The following ZEB2 variants were observed in gnomAD, a reference collection of about 807,000 sequenced individuals.
ZEB2 encodes zinc finger E-box-binding homeobox 2.
A neutral mutation model predicts 99.9 loss-of-function variants in ZEB2; 6 were observed. That is an observed-to-expected ratio of 0.06 (90% CI 0.03 to 0.12). ZEB2 has a LOEUF of 0.12. Ranked by LOEUF, ZEB2 falls within the 10% of genes least tolerant of loss-of-function variation. The pLI, the probability that ZEB2 is intolerant of heterozygous loss-of-function variation, is 1.00. For synonymous variants in ZEB2, 517 were observed against 542.5 expected (o/e 0.95, Z 0.65); for missense variants, 969 against 1,502.8 (o/e 0.64, Z 5.87).
At chr2:144,417,823 G>A (rs962837331) in intron 4 of ZEB2, among the ~76,000 whole-genome samples, 1 of 152,076 alleles carries the variant, frequency 6.6e-6, no homozygotes, top group African/African-American at 2.4e-5. Flanking sequence ...GCTAGAACGG[G>A]GGTTCTCGAA....
Position 144,468,080 on chromosome 2 carries a change from G to T in ZEB2, c.74-38054C>A, listed in dbSNP as rs547871451. Among the ~76,000 whole-genome samples, 23 of 152,154 alleles carry T rather than the reference G, an allele frequency of 1.5e-4. No individual in the cohort carries two copies. The South Asian group carries it at 4.8e-3, about 32-fold the overall frequency. ...GGAGTAGTTTGGAAGATCTGGGTTG[G>T]GGGGATCTGGCAAATGGAAAAAGAG... On this transcript the variant is annotated intron_variant, in intron 2 of 9. Coordinates refer to ENST00000627532, the MANE Select transcript of ZEB2 (RefSeq NM_014795.4).
chr2:144,405,052 T>C, intron 4 of ZEB2, 28 bp from the exon 5 acceptor site: 1 of 1,607,912 alleles, frequency 6.2e-7, no homozygotes, highest in Non-Finnish European at 8.5e-7. Context: ...GAAGAAATGT[T>C]GTTTCCGGGC....
chr2:144,497,938 A>T (rs1301361310), intron 2 of ZEB2, among the ~76,000 whole-genome samples: 3 of 62,052 alleles, frequency 4.8e-5, no homozygotes, highest in Admixed American at 2.8e-4. Flanking sequence ...ATATATATTA[A>T]TATTATATAT....
rs576094866 is a variant in ZEB2, at chr2:144,413,518, C to G, written c.404-8494G>C. On this transcript the variant is annotated intron_variant, in intron 4 of 9. Transcript: ENST00000627532. ...TGCCAAGCACTACTTCTATTTTTCT[C>G]TCCTCCAAACCTATCTCTTTCTCCA... is the stretch of plus-strand genomic sequence containing the variant. Among the ~76,000 whole-genome samples the G allele has an allele frequency of 2.0e-5, 3 of 152,312 alleles. No individual in the cohort carries two copies. In the East Asian group the frequency reaches 5.8e-4, roughly 29 times the overall value.
At chr2:144,424,306 T>A (rs1383548540) in intron 4 of ZEB2, 1 of 507,634 alleles carries the variant, frequency 2.0e-6, no homozygotes, top group Admixed American at 2.0e-5. Context: ...GAATTACAAG[T>A]AAAGAAAGGA....
intron 2 of ZEB2, among the ~76,000 whole-genome samples, chr2:144,448,287 G>C (rs944212154): frequency 6.6e-6 from 1 of 152,102 alleles, no homozygotes. Context: ...AGGAGTTTGG[G>C]GGCACCTGCT....
chr2:144,412,606 C>A (rs992872683), intron 4 of ZEB2, among the ~76,000 whole-genome samples: 2 of 152,190 alleles, frequency 1.3e-5, no homozygotes, highest in Non-Finnish European at 2.9e-5. Context: ...AAGTCTTTCA[C>A]GAAATTCTGA....
intron 2 of ZEB2, among the ~76,000 whole-genome samples, chr2:144,459,423 T>C (rs996723160): frequency 6.6e-6 from 1 of 152,182 alleles, no homozygotes; most frequent in South Asian, 2.1e-4. Context: ...CCTCTTAGCC[T>C]GAAGTCAGAT....
At chr2:144,444,157 T>C (rs1253339036) in intron 2 of ZEB2, among the ~76,000 whole-genome samples, 2 of 152,240 alleles carry the variant, frequency 1.3e-5, no homozygotes, top group Non-Finnish European at 2.9e-5. Flanking sequence ...TCTGATCTGA[T>C]AGTCGTAGAA....
chr2:144,512,737 G>T, intron 2 of ZEB2: 4 of 1,287,170 alleles, frequency 3.1e-6, no homozygotes, highest in Non-Finnish European at 4.0e-6. Flanking sequence ...AATTGGCTTA[G>T]TTTTTCCAGA....
In ZEB2 at chr2:144,398,797, T is replaced by C. The variant is rs201227541; in HGVS notation, c.2390A>G (p.His797Arg). The change falls in exon 8 of 10, where the codon CAC (histidine) becomes CGC (arginine). Residue 797 changes from histidine to arginine, a missense_variant. Around this residue, in one of 8 missense-constraint regions of ZEB2, gnomAD observed 346 missense variants for 460.0 expected, o/e 0.75. Coordinates refer to ENST00000627532, the MANE Select transcript of ZEB2 (RefSeq NM_014795.4). ...NLSSTSSKNSHSSSYTPNSFS... is the reference protein window; with the variant it reads ...NLSSTSSKNSRSSSYTPNSFS... ...GCTGTTTGGAGTGTATGAACTACTG[T>C]GGGAGTTTTTAGAAGATGTGGAGGA... The C allele has an allele frequency of 5.6e-6, 9 of 1,613,930 alleles. No homozygotes were observed. Among genetic ancestry groups the C allele is most frequent in the Non-Finnish European group, 7.6e-6 (9 of 1,180,022 alleles).
chr2:144,460,645 T>C (rs1166319625), intron 2 of ZEB2, among the ~76,000 whole-genome samples: 2 of 152,148 alleles, frequency 1.3e-5, no homozygotes, highest in African/African-American at 2.4e-5. Flanking sequence ...AAAAGAAACC[T>C]TTCTCCATAA....
intron 9 of ZEB2, chr2:144,390,419 C>T: frequency 3.1e-6 from 1 of 322,660 alleles, no homozygotes; most frequent in Non-Finnish European, 6.0e-6. Context: ...AAGACTTGTA[C>T]AAAAGTGATA....
At chr2:144,489,419 G>A (rs1224394920) in intron 2 of ZEB2, among the ~76,000 whole-genome samples, 8 of 151,992 alleles carry the variant, frequency 5.3e-5, no homozygotes, top group Non-Finnish European at 1.2e-4. Context: ...CTCCTATCAT[G>A]AATCAGGCAA....
intron 2 of ZEB2, among the ~76,000 whole-genome samples, chr2:144,440,532 T>A (rs867737581): frequency 0.012 from 1,168 of 93,994 alleles, 24 homozygotes; most frequent in African/African-American, 0.052. Flanking sequence ...TTTTTTTTTT[T>A]TTTTTTTTTT....
intron 2 of ZEB2, chr2:144,512,120 A>G (rs1367177465): frequency 1.6e-6 from 2 of 1,287,146 alleles, no homozygotes; most frequent in East Asian, 1.1e-4. Context: ...CATTGACGTT[A>G]TAAACATGTA....
At chr2:144,481,956 T>C (rs2149914489) in intron 2 of ZEB2, among the ~76,000 whole-genome samples, 2 of 152,328 alleles carry the variant, frequency 1.3e-5, no homozygotes, top group Admixed American at 1.3e-4. Context: ...ATAATAGTGT[T>C]ATAGAAAAAT....
At chr2:144,401,343 A>G (rs1229816704) in intron 6 of ZEB2, 36 bp from the exon 7 acceptor site, 1 of 1,603,594 alleles carries the variant, frequency 6.2e-7, no homozygotes, top group African/African-American at 1.3e-5. Flanking sequence ...AGTTTTGTGC[A>G]GGAGGAACAA....
At chr2:144,442,979 T>C (rs1703935874) in intron 2 of ZEB2, among the ~76,000 whole-genome samples, 1 of 152,186 alleles carries the variant, frequency 6.6e-6, no homozygotes, top group Non-Finnish European at 1.5e-5. Context: ...TCATTATTTT[T>C]CAATGATATT....
Sources: gnomAD v4.1 joint callset for allele counts (sites outside exome capture counted in the v4.1 genomes callset) on GRCh38, gnomAD v4.1.1 for gene constraint, gnomAD v4.1.1 regional missense constraint, MANE v1.5 for transcripts, NCBI Gene and HGNC (gene_info 2026-07-23, HGNC 2026-07-21) for gene names.